FER1L6: variants seen among roughly 807,000 people sequenced by gnomAD.
FER1L6 encodes the protein fer-1-like protein 6.
Under a neutral mutation model 219.2 loss-of-function variants are expected in FER1L6, and 177 were observed. The ratio of observed to expected loss-of-function variants is 0.81; its 90% CI spans 0.71 to 0.91. FER1L6 has a LOEUF of 0.91. Among genes scored for constraint, FER1L6 ranks in the 40% least tolerant of loss-of-function variants. The probability of loss-of-function intolerance (pLI) is 0.00; values close to 1 mark genes in which losing one functional copy is unlikely to be tolerated. For synonymous variants in FER1L6, 768 were observed against 824.3 expected (o/e 0.93, Z 1.17); for missense variants, 2,153 against 2,259.9 (o/e 0.95, Z 0.96).
intron 3 of FER1L6, among the ~76,000 whole-genome samples, chr8:123,965,589 A>T (rs1815500903): frequency 6.6e-6 from 1 of 152,228 alleles, no homozygotes; most frequent in South Asian, 2.1e-4. Flanking sequence ...GACATGGCAG[A>T]ATGGTCCTGT....
At position 123,976,051 on chromosome 8, in the gene FER1L6, TC is replaced by T. The variant is rs1326143498; in HGVS notation, c.840del (p.Phe281LeufsTer28). 7 of 1,613,632 alleles carry T rather than the reference TC, an allele frequency of 4.3e-6. No homozygotes were observed. The highest frequency in any genetic ancestry group is 5.1e-6 in the Non-Finnish European group (6 of 1,179,886). On this transcript the variant is annotated frameshift_variant, in exon 9 of 41. Coordinates refer to ENST00000522917, the MANE Select transcript of FER1L6 (RefSeq NM_001039112.2). LOFTEE classifies it high-confidence loss of function. ...TGGGTGACAGTAAGGACCTGGTGGA[TC>T]CCTTTGTGGAGGTCTCCTTTGCTGG... is the stretch of plus-strand genomic sequence containing the variant. The part of the protein sequence containing the change: ...FVGDSKDLVD[P>X]FVEVSFAGQM...
In FER1L6 at chr8:123,852,457, A is replaced by G. The variant is rs1353165156; in HGVS notation, c.-8+272A>G. 7.0e-6 allele frequency among the ~76,000 whole-genome samples: 1 copy of G among 142,822 alleles called. No homozygotes were observed. The highest frequency in any genetic ancestry group is 1.5e-5 in the Non-Finnish European group (1 of 65,984). 93.7% of individuals were successfully genotyped at this position (142,822 alleles called of 152,430 possible). A position where few individuals can be genotyped will look rare whatever the true frequency, so the allele number is the denominator to read the frequency against. The stretch of plus-strand genomic sequence containing the variant: ...AGGTTGACCTTGTTGCTTGAACTCC[A>G]TGTTGTGAGCATGCGTGTGTGTGTG... On this transcript the variant is annotated intron_variant, in intron 1 of 40. Transcript: ENST00000522917. The surrounding 1 kb of genome is among the most constrained non-coding windows in gnomAD (Gnocchi z 4.9).
intron 14 of FER1L6, among the ~76,000 whole-genome samples, chr8:124,011,178 T>C (rs1457331596): frequency 6.6e-6 from 1 of 152,168 alleles, no homozygotes; most frequent in Non-Finnish European, 1.5e-5. Context: ...CCTTTTAATA[T>C]GTTGAAAAAA....
intron 1 of FER1L6, among the ~76,000 whole-genome samples, chr8:123,942,522 C>A (rs1393712761): frequency 1.3e-5 from 2 of 152,204 alleles, no homozygotes; most frequent in African/African-American, 4.8e-5. Context: ...AGTCTGAAGT[C>A]AAAAATGTTG....
intron 1 of FER1L6, among the ~76,000 whole-genome samples, chr8:123,952,745 G>A (rs551824449): frequency 2.6e-5 from 4 of 152,104 alleles, no homozygotes; most frequent in South Asian, 4.1e-4. Flanking sequence ...CATCTTCCTC[G>A]TGGTATGCTG....
chr8:124,031,989 G>A (rs917086128), intron 18 of FER1L6, among the ~76,000 whole-genome samples: 3 of 152,230 alleles, frequency 2.0e-5, no homozygotes, highest in African/African-American at 7.2e-5. Flanking sequence ...AACTTTAGGA[G>A]TGCAGCAACA....
chr8:123,999,049 A>G (rs1232499397), intron 12 of FER1L6, among the ~76,000 whole-genome samples: 1 of 152,146 alleles, frequency 6.6e-6, no homozygotes, highest in Non-Finnish European at 1.5e-5. Flanking sequence ...CTGGTGTTCT[A>G]CCTCATTGTG....
chr8:124,010,447 T>A, intron 13 of FER1L6, 147 bp from the exon 14 acceptor site: 1 of 845,560 alleles, frequency 1.2e-6, no homozygotes, highest in Non-Finnish European at 1.8e-6. Flanking sequence ...TCCCCAATTA[T>A]AGATCAAAGA....
intron 1 of FER1L6, among the ~76,000 whole-genome samples, chr8:123,919,937 G>A (rs1310622032): frequency 2.6e-5 from 4 of 152,214 alleles, no homozygotes; most frequent in Non-Finnish European, 4.4e-5. Context: ...GAGGCAAGGA[G>A]GCAGTGGGAG....
chr8:123,993,180 C>T (rs552741283), intron 12 of FER1L6, among the ~76,000 whole-genome samples: 2 of 152,224 alleles, frequency 1.3e-5, no homozygotes, highest in African/African-American at 2.4e-5. Flanking sequence ...CGGTGGCTCA[C>T]GCCTGTAATC....
chr8:124,052,784 C>CA (rs1334854414), intron 22 of FER1L6, among the ~76,000 whole-genome samples: 1 of 151,494 alleles, frequency 6.6e-6, no homozygotes, highest in Non-Finnish European at 1.5e-5. Context: ...GACTCTGTCT[C>CA]AAAAAAACAA....
chr8:124,086,745 A>G (rs901050574), intron 33 of FER1L6, among the ~76,000 whole-genome samples: 1 of 152,134 alleles, frequency 6.6e-6, no homozygotes, highest in Non-Finnish European at 1.5e-5. Flanking sequence ...AGATTAAAAA[A>G]CTTCTTTTAG....
chr8:123,876,205 C>T (rs1817001831), intron 1 of FER1L6, among the ~76,000 whole-genome samples: 1 of 152,218 alleles, frequency 6.6e-6, no homozygotes, highest in African/African-American at 2.4e-5. Flanking sequence ...TGAATACACT[C>T]AGCAAGCTCC....
intron 7 of FER1L6, among the ~76,000 whole-genome samples, chr8:123,974,386 G>T (rs561376668): frequency 6.6e-6 from 1 of 152,036 alleles, no homozygotes; most frequent in East Asian, 1.9e-4. Context: ...CTGTAATCCT[G>T]GCACTTTGAG....
intron 20 of FER1L6, among the ~76,000 whole-genome samples, chr8:124,043,833 C>A (rs531382357): frequency 6.6e-6 from 1 of 152,150 alleles, no homozygotes; most frequent in Non-Finnish European, 1.5e-5. Flanking sequence ...TTGGGTGAAC[C>A]TTTTAGTACC....
chr8:124,095,156 T>C (rs937101955), intron 35 of FER1L6, 118 bp downstream of exon 35: 14 of 1,362,898 alleles, frequency 1.0e-5, no homozygotes, highest in Non-Finnish European at 1.4e-5. Context: ...TCTGGAATCA[T>C]TTTGTGTTGT....
intron 1 of FER1L6, among the ~76,000 whole-genome samples, chr8:123,887,832 A>AT (rs952760062): frequency 4.6e-5 from 7 of 152,234 alleles, no homozygotes; most frequent in African/African-American, 1.4e-4. Context: ...AGTCATATGT[A>AT]TTTTTTCCTG....
chr8:123,857,356 A>T (rs1292662666), intron 1 of FER1L6, among the ~76,000 whole-genome samples: 3 of 152,122 alleles, frequency 2.0e-5, no homozygotes, highest in South Asian at 2.1e-4. Context: ...AAAATTTTTT[A>T]AAAATTAGCC....
intron 1 of FER1L6, among the ~76,000 whole-genome samples, chr8:123,874,285 G>A (rs928604004): frequency 1.3e-5 from 2 of 152,124 alleles, no homozygotes; most frequent in Non-Finnish European, 2.9e-5. Flanking sequence ...ATAGAATATA[G>A]GGTCAGACTG....
Sources: allele counts gnomAD v4.1 joint callset (sites outside exome capture counted in the v4.1 genomes callset), GRCh38; gene constraint gnomAD v4.1.1; non-coding constraint Gnocchi (gnomAD v3.1); transcripts MANE v1.5; gene names NCBI Gene and HGNC (gene_info 2026-07-23, HGNC 2026-07-21).